The following NPFFR2 variants were observed in gnomAD, a reference collection of about 807,000 sequenced individuals.
NPFFR2 encodes neuropeptide FF receptor 2, also known as G-protein coupled receptor 74.
In NPFFR2, 15 loss-of-function variants were observed where a neutral mutation model predicts 13.1. The ratio of observed to expected loss-of-function variants is 1.15; its 90% confidence interval spans 0.77 to 1.76. NPFFR2 has a LOEUF of 1.76. Among genes scored for constraint, NPFFR2 ranks in the 40% most tolerant of loss-of-function variants. NPFFR2 has a pLI of 0.00. For missense variants in NPFFR2, 572 were observed against 503.5 expected (o/e 1.14, Z -1.30); for synonymous variants, 190 against 175.7 (o/e 1.08, Z -0.65).
intron 1 of NPFFR2, among the ~76,000 whole-genome samples, chr4:72,086,068 A>G (rs1720762206): frequency 6.6e-6 from 1 of 152,126 alleles, no homozygotes; most frequent in African/African-American, 2.4e-5. Flanking sequence ...TATTATGAGC[A>G]TTCTTTATAT....
intron 1 of NPFFR2, among the ~76,000 whole-genome samples, chr4:72,056,233 C>T (rs1454941448): frequency 6.6e-6 from 1 of 151,992 alleles, no homozygotes; most frequent in Non-Finnish European, 1.5e-5. Flanking sequence ...TAAGTTGAAG[C>T]CAATGCTCAT....
chr4:72,059,844 C>T (rs544882545), intron 1 of NPFFR2, among the ~76,000 whole-genome samples: 18 of 152,212 alleles, frequency 1.2e-4, no homozygotes, highest in East Asian at 9.7e-4. Context: ...ATCTGACCTC[C>T]GTAAGTCTCC....
rs147676098 is a variant in NPFFR2, at chr4:72,108,526, A to G, written c.-7-20059A>G. On this transcript the variant is annotated intron_variant, in intron 1 of 3. Coordinates refer to ENST00000308744, the MANE Select transcript of NPFFR2 (RefSeq NM_004885.3). ...TTCTCTAGTTATTATTATTTGTTTT[A>G]CTATATTTTAACAAAGAATTAAGGC... Among the ~76,000 whole-genome samples, 449 of 152,088 alleles carry G rather than the reference A, an allele frequency of 3.0e-3. 1 individual carries two copies. Among genetic ancestry groups the G allele is most frequent in the African/African-American group, 0.01 (429 of 41,530 alleles).
At chr4:72,102,050 TG>T (rs1721265644) in intron 1 of NPFFR2, among the ~76,000 whole-genome samples, 1 of 152,158 alleles carries the variant, frequency 6.6e-6, no homozygotes. Flanking sequence ...ATGTGATTTT[TG>T]TTTTTGAAAA....
intron 1 of NPFFR2, among the ~76,000 whole-genome samples, chr4:72,099,425 G>GA (rs1398126956): frequency 1.3e-5 from 2 of 152,090 alleles, no homozygotes; most frequent in African/African-American, 4.8e-5. Context: ...AATTTATAAA[G>GA]AAAAAAGATT....
In NPFFR2 at chr4:72,121,013, G is replaced by A. The variant is rs141014330; in HGVS notation, c.-7-7572G>A. Among the ~76,000 whole-genome samples the A allele has an allele frequency of 2.9e-3, 445 of 152,106 alleles. 1 individual carries two copies. Among genetic ancestry groups the A allele is most frequent in the African/African-American group, 0.01 (424 of 41,516 alleles). On this transcript the variant is annotated intron_variant, in intron 1 of 3. Transcript: ENST00000308744. ...AGCTAAGAACCTTGAAAAAAGGTTAGAGGAATTGCTAACTAGAATAACCAG... is the reference window on the plus strand; with the variant it reads ...AGCTAAGAACCTTGAAAAAAGGTTAAAGGAATTGCTAACTAGAATAACCAG...
intron 1 of NPFFR2, among the ~76,000 whole-genome samples, chr4:72,125,583 G>A (rs1389619299): frequency 1.3e-5 from 2 of 152,164 alleles, no homozygotes; most frequent in Non-Finnish European, 1.5e-5. Flanking sequence ...TATTGGCAAG[G>A]CTGCGTTTTT....
At chr4:72,135,768 C>A (rs982999184) in intron 2 of NPFFR2, among the ~76,000 whole-genome samples, 1 of 150,478 alleles carries the variant, frequency 6.6e-6, no homozygotes, top group African/African-American at 2.4e-5. Flanking sequence ...TTGAGGTTTC[C>A]CTAGTGTTAA....
intron 2 of NPFFR2, among the ~76,000 whole-genome samples, chr4:72,137,225 AAAAT>A (rs1722445156): frequency 6.6e-6 from 1 of 152,160 alleles, no homozygotes; most frequent in Non-Finnish European, 1.5e-5. Flanking sequence ...TTTGTTTCAG[AAAAT>A]AAATTGCAGA....
chr4:72,070,839 A>C (rs142932195), intron 1 of NPFFR2, among the ~76,000 whole-genome samples: 1 of 152,116 alleles, frequency 6.6e-6, no homozygotes, highest in Non-Finnish European at 1.5e-5. Flanking sequence ...TTAATGATTG[A>C]AAACGTATTG....
chr4:72,075,753 G>T (rs1249694898), intron 1 of NPFFR2, among the ~76,000 whole-genome samples: 2 of 152,172 alleles, frequency 1.3e-5, no homozygotes, highest in East Asian at 3.9e-4. Flanking sequence ...AATGGAAATT[G>T]CCACAGGCTG....
intron 1 of NPFFR2, among the ~76,000 whole-genome samples, chr4:72,049,986 A>G (rs1719495638): frequency 6.6e-6 from 1 of 152,052 alleles, no homozygotes; most frequent in Non-Finnish European, 1.5e-5. Flanking sequence ...CTGGTTGTGA[A>G]GGAAATCAAC....
At chr4:72,046,353 AT>A (rs1050181999) in intron 1 of NPFFR2, among the ~76,000 whole-genome samples, 1 of 152,190 alleles carries the variant, frequency 6.6e-6, no homozygotes, top group African/African-American at 2.4e-5. Flanking sequence ...TAATGCCATC[AT>A]TGCAGAAGTG....
chr4:72,096,148 T>G (rs1382289817), intron 1 of NPFFR2, among the ~76,000 whole-genome samples: 3 of 152,150 alleles, frequency 2.0e-5, no homozygotes, highest in African/African-American at 7.2e-5. Flanking sequence ...TTCCCTACCT[T>G]TACAAAGGTC....
At chr4:72,038,575 T>C (rs1029563287) in intron 1 of NPFFR2, among the ~76,000 whole-genome samples, 3 of 152,114 alleles carry the variant, frequency 2.0e-5, no homozygotes, top group Admixed American at 6.5e-5. Flanking sequence ...CCAATCAGTA[T>C]ATTTTTTTTC....
intron 1 of NPFFR2, among the ~76,000 whole-genome samples, chr4:72,101,096 T>C (rs1721234387): frequency 6.6e-6 from 1 of 152,082 alleles, no homozygotes; most frequent in Non-Finnish European, 1.5e-5. Flanking sequence ...TTTCCACTTA[T>C]TTACATTTTA....
At chr4:72,043,484 C>T (rs576064977) in intron 1 of NPFFR2, among the ~76,000 whole-genome samples, 12 of 152,328 alleles carry the variant, frequency 7.9e-5, no homozygotes, top group South Asian at 6.2e-4. Flanking sequence ...CTGTGCCCTG[C>T]GAAGCCACAG....
At chr4:72,042,490 G>C (rs7670209) in intron 1 of NPFFR2, among the ~76,000 whole-genome samples, 133,834 of 152,150 alleles carry the variant, frequency 0.88, 60,228 homozygotes, top group Non-Finnish European at 0.98. Context: ...GGAGGGCTCA[G>C]TAGAAGATAA....
At chr4:72,135,762 G>T (rs1193236684) in intron 2 of NPFFR2, among the ~76,000 whole-genome samples, 1 of 150,398 alleles carries the variant, frequency 6.6e-6, no homozygotes, top group Non-Finnish European at 1.5e-5. Flanking sequence ...TTATGTTTGA[G>T]GTTTCCCTAG....
Sources: allele counts gnomAD v4.1 joint callset (sites outside exome capture counted in the v4.1 genomes callset), GRCh38; gene constraint gnomAD v4.1.1; transcripts MANE v1.5; gene names NCBI Gene and HGNC (gene_info 2026-07-23, HGNC 2026-07-21).